Variants in MAP3K5 observed in about 807,000 individuals in gnomAD.
The protein encoded by MAP3K5 is ASK-1.
In MAP3K5, 56 loss-of-function variants were observed where a neutral mutation model predicts 158.7. The observed-to-expected ratio is 0.35, with a 90% CI of 0.28 to 0.44. The LOEUF is 0.44. Ranked by LOEUF, MAP3K5 falls within the 20% of genes least tolerant of loss-of-function variation. MAP3K5 has a pLI of 1.00. For synonymous variants in MAP3K5, 579 were observed against 601.7 expected, an observed-to-expected ratio of 0.96 and a Z score of 0.55; for missense variants, 1,294 against 1,674.8, an observed-to-expected ratio of 0.77 and a Z score of 3.97.
At chr6:136,766,782 T>C (rs1783985586) in intron 1 of MAP3K5, among the ~76,000 whole-genome samples, 2 of 152,204 alleles carry the variant, frequency 1.3e-5, no homozygotes, top group Admixed American at 6.5e-5. Context: ...TGCTAAACTA[T>C]GCACCCTGGA....
At chr6:136,558,023 C>G (rs9376201) in intron 29 of MAP3K5, among the ~76,000 whole-genome samples, 17,558 of 152,244 alleles carry the variant, frequency 0.12, 1,099 homozygotes, top group East Asian at 0.16. Flanking sequence ...TGCTATGTCC[C>G]AAAACATCAT....
At chr6:136,777,061 T>C (rs1484348792) in intron 1 of MAP3K5, among the ~76,000 whole-genome samples, 2 of 152,214 alleles carry the variant, frequency 1.3e-5, no homozygotes, top group Non-Finnish European at 2.9e-5. Flanking sequence ...AACTGCCAAG[T>C]GTACTTCAAA....
In MAP3K5 at chr6:136,613,221, G is replaced by A. The variant is rs865877553; in HGVS notation, c.2314C>T (p.Pro772Ser). 6.2e-7 allele frequency: 1 copy of A among 1,613,108 alleles called. No homozygotes were observed. Among genetic ancestry groups the A allele is most frequent in the Non-Finnish European group, 8.5e-7 (1 of 1,179,500 alleles). ...ATTGTTTGCTCATTGTCTTTTAATG[G>A]ACCCCATTTGGAACGAAGGAGAGCA... ...LSALLRSKWG[P>S]LKDNEQTIGF... is the part of the protein sequence containing the mutation. Residue 772 changes from proline to serine, a missense_variant, in exon 17 of 30, where the codon CCA becomes TCA. By Grantham distance (74) the Pro-to-Ser change is moderately conservative. Around this residue, in one of 5 missense-constraint regions of MAP3K5, gnomAD observed 41 missense variants for 98.2 expected, o/e 0.42. Coordinates refer to ENST00000359015, the MANE Select transcript of MAP3K5 (RefSeq NM_005923.4). This position sits in a 1 kb window ranked among gnomAD's most constrained non-coding sequence, Gnocchi z 4.0.
intron 3 of MAP3K5, among the ~76,000 whole-genome samples, chr6:136,699,361 G>C (rs982072200): frequency 2.6e-5 from 4 of 152,216 alleles, no homozygotes; most frequent in Non-Finnish European, 5.9e-5. Context: ...TGGTCCCCCT[G>C]CTTCCACTCT....
intron 1 of MAP3K5, among the ~76,000 whole-genome samples, chr6:136,747,472 T>A (rs1783011867): frequency 6.6e-6 from 1 of 152,082 alleles, no homozygotes; most frequent in Non-Finnish European, 1.5e-5. Context: ...ACTATAACTC[T>A]AAAAGGAACC....
intron 17 of MAP3K5, among the ~76,000 whole-genome samples, chr6:136,611,684 C>T (rs1562545938): frequency 6.6e-6 from 1 of 152,218 alleles, no homozygotes; most frequent in Non-Finnish European, 1.5e-5. Context: ...CCAAACTGCC[C>T]TTGGTCATTC....
chr6:136,776,458 T>C (rs1784407501), intron 1 of MAP3K5, among the ~76,000 whole-genome samples: 1 of 152,210 alleles, frequency 6.6e-6, no homozygotes, highest in Non-Finnish European at 1.5e-5. Context: ...TTGCCCATTC[T>C]AGTCTTGAAC....
intron 1 of MAP3K5, among the ~76,000 whole-genome samples, chr6:136,761,717 A>G (rs929994297): frequency 3.9e-5 from 6 of 152,122 alleles, no homozygotes; most frequent in Non-Finnish European, 7.4e-5. Context: ...CAAACCTCAA[A>G]AGGCTTTGCT....
intron 14 of MAP3K5, chr6:136,630,337 C>A: frequency 6.6e-6 from 1 of 152,330 alleles, no homozygotes; most frequent in East Asian, 1.9e-4. Context: ...AGCATGTAAG[C>A]TCTCAGTGAT....
chr6:136,780,861 T>C (rs930899673), intron 1 of MAP3K5, among the ~76,000 whole-genome samples: 6 of 152,176 alleles, frequency 3.9e-5, no homozygotes, highest in East Asian at 1.9e-4. Flanking sequence ...GAATGGGGAA[T>C]GTAGGTCGTT....
intron 14 of MAP3K5, among the ~76,000 whole-genome samples, chr6:136,627,458 T>C (rs895130059): frequency 2.0e-5 from 3 of 152,222 alleles, no homozygotes; most frequent in Non-Finnish European, 2.9e-5. Flanking sequence ...CCAAACTCCT[T>C]AGCACAGCAT....
At chr6:136,593,713 GCAA>G in intron 21 of MAP3K5, 1 of 340,460 alleles carries the variant, frequency 2.9e-6, no homozygotes, top group Non-Finnish European at 5.5e-6. Flanking sequence ...GGACAGATAT[GCAA>G]AAAAAAAAAA....
At chr6:136,715,971 A>G (rs971975672) in intron 2 of MAP3K5, among the ~76,000 whole-genome samples, 3 of 133,844 alleles carry the variant, frequency 2.2e-5, no homozygotes, top group African/African-American at 8.6e-5. Flanking sequence ...TGGAGGTTGC[A>G]GTGAGCCGGG....
chr6:136,582,251 CGTGTGTGTATACGT>C (rs1400660577), intron 24 of MAP3K5, among the ~76,000 whole-genome samples: 53 of 144,924 alleles, frequency 3.7e-4, no homozygotes, highest in African/African-American at 2.4e-4. Context: ...TATGTGTACA[CGTGTGTGTATACGT>C]GTGTGTGTGT....
chr6:136,723,917 A>G (rs891912648), intron 1 of MAP3K5, among the ~76,000 whole-genome samples: 2 of 152,142 alleles, frequency 1.3e-5, no homozygotes, highest in Non-Finnish European at 2.9e-5. Context: ...TTCTGCATCA[A>G]AAATCAACAC....
chr6:136,761,288 T>TAAAAAAA, intron 1 of MAP3K5, among the ~76,000 whole-genome samples: 1 of 118,430 alleles, frequency 8.4e-6, no homozygotes, highest in Non-Finnish European at 1.7e-5. Context: ...ACCCTAACTT[T>TAAAAAAA]AAAAAAAAAA....
intron 8 of MAP3K5, among the ~76,000 whole-genome samples, chr6:136,665,778 T>C (rs920705229): frequency 2.6e-5 from 4 of 152,336 alleles, no homozygotes; most frequent in Admixed American, 2.6e-4. Context: ...CAAAGGAGTT[T>C]TTCAGTGGTT....
At chr6:136,602,464 T>G (rs1775920302) in intron 19 of MAP3K5, among the ~76,000 whole-genome samples, 1 of 152,076 alleles carries the variant, frequency 6.6e-6, no homozygotes, top group Non-Finnish European at 1.5e-5. Context: ...CCACCACGCC[T>G]GGCTAATTTT....
Position 136,652,391 on chromosome 6 carries a change from G to T in MAP3K5, c.1681-1300C>A, listed in dbSNP as rs554854659. ...TGCAACAAATAAACACACAGTGAGA[G>T]CCCATAAGTGAACATATTCTGACTC... is the stretch of plus-strand genomic sequence containing the variant. On this transcript the variant is annotated intron_variant, in intron 10 of 29. Transcript: ENST00000359015. 2.2e-4 allele frequency among the ~76,000 whole-genome samples: 34 copies of T among 152,244 alleles called. 2 individuals carry two copies. The South Asian group carries it at 6.8e-3, about 31-fold the overall frequency.
Sources: allele counts gnomAD v4.1 joint callset (sites outside exome capture counted in the v4.1 genomes callset), GRCh38; gene constraint gnomAD v4.1.1; regional missense constraint gnomAD v4.1.1; non-coding constraint Gnocchi (gnomAD v3.1); transcripts MANE v1.5; gene names NCBI Gene and HGNC (gene_info 2026-07-23, HGNC 2026-07-21).